The following SPAG17 variants were observed in gnomAD, a reference collection of about 807,000 sequenced individuals.
SPAG17 encodes sperm associated antigen 17.
Under a neutral mutation model 273.6 loss-of-function variants are expected in SPAG17, and 169 were observed. The ratio of observed to expected loss-of-function variants is 0.62; its 90% CI spans 0.55 to 0.70. The LOEUF (loss-of-function observed/expected upper bound fraction) is 0.70, where lower values mean the gene tolerates loss of function less well. SPAG17 is among the 30% of genes least tolerant of loss of function. The probability of loss-of-function intolerance (pLI) is 0.00; values close to 1 mark genes in which losing one functional copy is unlikely to be tolerated. For synonymous variants in SPAG17, 825 were observed against 873.2 expected, an observed-to-expected ratio of 0.94 and a Z score of 0.97; for missense variants, 2,557 against 2,627.8, an observed-to-expected ratio of 0.97 and a Z score of 0.59.
chr1:118,153,032 T>C (rs191373625), intron 1 of SPAG17, among the ~76,000 whole-genome samples: 153 of 152,306 alleles, frequency 1.0e-3, no homozygotes, highest in Admixed American at 9.5e-3. Flanking sequence ...CCACTGCAAG[T>C]TTCCTTGCCA....
chr1:118,097,681 C>T lies in SPAG17; in HGVS notation c.1000G>A (p.Gly334Ser), dbSNP rs756037471. ...AADFPSDWSD[G>S]EMMLKLGTDI... ...ATGTGTGTACTAACCATCATCTCACCATCTGACCAGTCAGAAGGAAAATCA... is the reference window on the plus strand; with the variant it reads ...ATGTGTGTACTAACCATCATCTCACTATCTGACCAGTCAGAAGGAAAATCA... Residue 334 changes from glycine (G) to serine (S), a missense_variant, in exon 7 of 49, where the codon GGT becomes AGT. Coordinates refer to ENST00000336338, the MANE Select transcript of SPAG17 (RefSeq NM_206996.4). The T allele has an allele frequency of 1.3e-6, 2 of 1,599,584 alleles. No individual in the cohort carries two copies. The highest frequency in any genetic ancestry group is 3.5e-5 in the Admixed American group (2 of 56,932).
intron 22 of SPAG17, among the ~76,000 whole-genome samples, chr1:118,040,089 C>T (rs551225697): frequency 2.0e-5 from 3 of 151,992 alleles, no homozygotes; most frequent in Non-Finnish European, 2.9e-5. Context: ...TTATTGTGGT[C>T]GTTAATAAAA....
chr1:118,160,490 C>A (rs548142793), intron 1 of SPAG17, among the ~76,000 whole-genome samples: 6 of 152,214 alleles, frequency 3.9e-5, no homozygotes, highest in Non-Finnish European at 7.3e-5. Flanking sequence ...GCCATCCATG[C>A]TGTTGCTTGG....
chr1:118,038,180 A>G (rs1419716437), intron 23 of SPAG17, among the ~76,000 whole-genome samples: 1 of 152,216 alleles, frequency 6.6e-6, no homozygotes, highest in African/African-American at 2.4e-5. Flanking sequence ...GCATATGAAA[A>G]GATGTTCAAT....
rs1649152458 is a variant in SPAG17 at position 118,036,881 on chromosome 1, C to A, written c.3322G>T (p.Val1108Leu). Residue 1108 changes from valine to leucine, a missense_variant and splice_region_variant, in exon 24 of 49, where the codon GTA becomes TTA. Physicochemically the swap from Val to Leu is conservative, Grantham distance 32 (BLOSUM62 1). Coordinates refer to ENST00000336338, the MANE Select transcript of SPAG17 (RefSeq NM_206996.4). ...GDEEQSLETE[V>L]SDAKNKAFSK... is the part of the protein sequence containing the mutation. ...AAAGCTTTATTCTTTGCATCTGATACTTCTAAAATACAAAATCGAATCAAG... is the reference window on the plus strand; with the variant it reads ...AAAGCTTTATTCTTTGCATCTGATAATTCTAAAATACAAAATCGAATCAAG... 1 of 1,544,684 alleles carries A rather than the reference C, an allele frequency of 6.5e-7. No individual in the cohort carries two copies. The highest frequency in any genetic ancestry group is 8.8e-7 in the Non-Finnish European group (1 of 1,139,870).
At chr1:118,081,915 C>T (rs1263652477) in intron 13 of SPAG17, among the ~76,000 whole-genome samples, 1 of 152,226 alleles carries the variant, frequency 6.6e-6, no homozygotes, top group Non-Finnish European at 1.5e-5. Flanking sequence ...TGTCCAGATT[C>T]ATTTGCATGG....
Position 118,086,707 on chromosome 1 carries a change from A to G in SPAG17, c.1575T>C (p.Tyr525=). The G allele has an allele frequency of 3.7e-6, 6 of 1,614,142 alleles. No individual in the cohort carries two copies. The highest frequency in any genetic ancestry group is 5.1e-6 in the Non-Finnish European group (6 of 1,180,026). ...ACTTCTTGTGGGCGTGTGCATCATG[A>G]TAGTTCAGTAGGAGGGGGCCTTTGG... ...AVPKGPLLLN[Y]HDAHAHKKYA... is the part of the protein sequence containing the mutation. Residue 525 remains tyrosine, a synonymous_variant, in exon 12 of 49, where the codon TAT becomes TAC. Coordinates refer to ENST00000336338, the MANE Select transcript of SPAG17 (RefSeq NM_206996.4).
chr1:118,047,120 A>T (rs988588839), intron 20 of SPAG17, among the ~76,000 whole-genome samples: 1 of 152,160 alleles, frequency 6.6e-6, no homozygotes, highest in Non-Finnish European at 1.5e-5. Flanking sequence ...ACATTTTCTA[A>T]TTGGTTATTG....
At position 118,103,599 on chromosome 1, in the gene SPAG17, C is replaced by T. The variant is rs143500978; in HGVS notation, c.448-1673G>A. Among the ~76,000 whole-genome samples the T allele has an allele frequency of 4.0e-3, 604 of 151,984 alleles. 2 individuals are homozygous for T. Among genetic ancestry groups the T allele is most frequent in the African/African-American group, 0.014 (574 of 41,472 alleles). ...ATAAATTGGTGCCTAAAATGGGGCT[C>T]GGCTCTGCCCCTTGAGCTCACAGCC... is the stretch of plus-strand genomic sequence containing the variant. On this transcript the variant is annotated intron_variant, in intron 4 of 48. Coordinates refer to ENST00000336338, the MANE Select transcript of SPAG17 (RefSeq NM_206996.4).
At chr1:118,066,236 G>A (rs1340621337) in intron 18 of SPAG17, among the ~76,000 whole-genome samples, 1 of 151,988 alleles carries the variant, frequency 6.6e-6, no homozygotes, top group Non-Finnish European at 1.5e-5. Context: ...TGAGAAGAGA[G>A]AACAAAGTTC....
At chr1:118,062,384 A>AAAAAAAAAAAAATAAATAAAT (rs1553242204) in intron 18 of SPAG17, among the ~76,000 whole-genome samples, 1 of 149,198 alleles carries the variant, frequency 6.7e-6, no homozygotes, top group African/African-American at 2.5e-5. Flanking sequence ...AAAAAAAAAA[A>AAAAAAAAAAAAATAAATAAAT]AAATTAAAGA....
chr1:117,963,748 C>T, intron 48 of SPAG17, 51 bp downstream of exon 48: 1 of 1,552,190 alleles, frequency 6.4e-7, no homozygotes, highest in Non-Finnish European at 8.8e-7. Context: ...GGGTCTAATA[C>T]CTCAAATTTG....
intron 48 of SPAG17, among the ~76,000 whole-genome samples, chr1:117,956,106 A>G (rs754517884): frequency 1.3e-5 from 2 of 152,100 alleles, no homozygotes; most frequent in Non-Finnish European, 2.9e-5. Flanking sequence ...ATTTCAGCAT[A>G]TTTGTTGACC....
At chr1:118,176,346 C>T (rs981455549) in intron 1 of SPAG17, among the ~76,000 whole-genome samples, 1 of 152,068 alleles carries the variant, frequency 6.6e-6, no homozygotes, top group African/African-American at 2.4e-5. Flanking sequence ...CCTATAAAGA[C>T]ACACATAACC....
intron 13 of SPAG17, among the ~76,000 whole-genome samples, chr1:118,083,978 C>T (rs548414543): frequency 1.3e-5 from 2 of 152,092 alleles, no homozygotes; most frequent in Admixed American, 1.3e-4. Flanking sequence ...CACCAAGGGT[C>T]CAGGATGGGG....
intron 3 of SPAG17, among the ~76,000 whole-genome samples, chr1:118,142,314 C>G (rs1325902470): frequency 6.6e-6 from 1 of 152,004 alleles, no homozygotes; most frequent in Admixed American, 6.6e-5. Flanking sequence ...TCATCAGGGG[C>G]CAGGGTGCAG....
chr1:118,080,021 A>G (rs1654412061), intron 15 of SPAG17, among the ~76,000 whole-genome samples: 1 of 152,214 alleles, frequency 6.6e-6, no homozygotes, highest in South Asian at 2.1e-4. Context: ...ATACATAATT[A>G]TAAAATTGAA....
intron 3 of SPAG17, among the ~76,000 whole-genome samples, chr1:118,128,617 G>C (rs1657876208): frequency 2.0e-5 from 3 of 152,134 alleles, no homozygotes; most frequent in African/African-American, 7.2e-5. Flanking sequence ...TGAGACTAGT[G>C]ATTGAGACCC....
In SPAG17 at chr1:117,983,921, G is replaced by GAA; in HGVS notation, c.5770-10_5770-9dup. 6.6e-7 allele frequency: 1 copy of GAA among 1,506,404 alleles called. No homozygotes were observed. The highest frequency in any genetic ancestry group is 9.1e-7 in the Non-Finnish European group (1 of 1,100,602). 93.3% of individuals were successfully genotyped at this position (1,506,404 alleles called of 1,614,324 possible). A position where few individuals can be genotyped will look rare whatever the true frequency, so the allele number is the denominator to read the frequency against. ...ACTGTCCAGGTGATTATACTGAAAG[G>GAA]AAAAAAAAACTTATTTTAGACTTAT... On this transcript the variant is annotated splice_polypyrimidine_tract_variant and intron_variant, in intron 41 of 48. Coordinates refer to ENST00000336338, the MANE Select transcript of SPAG17 (RefSeq NM_206996.4).
Sources: gnomAD v4.1 joint callset for allele counts (sites outside exome capture counted in the v4.1 genomes callset) on GRCh38, gnomAD v4.1.1 for gene constraint, MANE v1.5 for transcripts, NCBI Gene and HGNC (gene_info 2026-07-23, HGNC 2026-07-21) for gene names.